TMEM63A: variants seen among roughly 807,000 people sequenced by gnomAD.
TMEM63A encodes the protein mechanosensitive cation channel TMEM63A.
In TMEM63A, 76 loss-of-function variants were observed where a neutral mutation model predicts 100.6. The ratio of observed to expected loss-of-function variants is 0.76; its 90% CI spans 0.63 to 0.91. The LOEUF (loss-of-function observed/expected upper bound fraction) is 0.91. TMEM63A is among the 40% of genes least tolerant of loss of function. TMEM63A has a pLI of 0.00. For missense variants in TMEM63A, 876 were observed against 1,008.8 expected (o/e 0.87, Z 1.78); for synonymous variants, 401 against 401.1 (o/e 1.00, Z 0.00).
intron 6 of TMEM63A, among the ~76,000 whole-genome samples, chr1:225,870,386 C>T (rs1241773111): frequency 1.3e-5 from 2 of 149,528 alleles, no homozygotes; most frequent in Non-Finnish European, 3.0e-5. Context: ...ACAACAATAA[C>T]TTCTTAGATT....
chr1:225,867,314 A>G lies in TMEM63A; in HGVS notation c.515-151T>C. On this transcript the variant is annotated intron_variant, in intron 7 of 24. Transcript: ENST00000366835. The surrounding 1 kb of genome is among the most constrained non-coding windows in gnomAD (Gnocchi z 4.6). ...GTCTGACTGGTCTTTCCAGAGCTAC[A>G]CCATCAAGGCCTCTGCTTGAAACCA... is the stretch of plus-strand genomic sequence containing the variant. 1 of 826,244 alleles carries G rather than the reference A, an allele frequency of 1.2e-6. No homozygotes were observed. The highest frequency in any genetic ancestry group is 2.1e-6 in the Non-Finnish European group (1 of 483,442). 51.2% of individuals were successfully genotyped at this position (826,244 alleles called of 1,614,324 possible).
intron 1 of TMEM63A, among the ~76,000 whole-genome samples, chr1:225,880,891 T>C (rs1248627295): frequency 1.3e-5 from 2 of 152,224 alleles, no homozygotes; most frequent in African/African-American, 4.8e-5. Flanking sequence ...CAGCAGAATG[T>C]TGCAGGAAGT....
downstream of TMEM63A, among the ~76,000 whole-genome samples, chr1:225,843,494 A>G (rs938513638): frequency 3.3e-5 from 5 of 152,120 alleles, no homozygotes; most frequent in Non-Finnish European, 7.4e-5. Flanking sequence ...CCTGCCCTAC[A>G]TTCAGCAGGA....
In TMEM63A at chr1:225,848,587, A is replaced by G. The variant is rs774329341; in HGVS notation, c.2188-33T>C. 5.6e-6 allele frequency: 9 copies of G among 1,611,120 alleles called. No individual in the cohort carries two copies. The African/African-American group carries it at 1.2e-4, about 22-fold the overall frequency. ...TAACAGCAAAAACTTGCGATGATAA[A>G]CAAAACTGATCTCTGTGAACAAACA... is the stretch of plus-strand genomic sequence containing the variant. On this transcript the variant is annotated intron_variant, in intron 22 of 24. Transcript: ENST00000366835.
intron 1 of TMEM63A, 70 bp downstream of exon 1, chr1:225,882,234 C>T (rs1671126833): frequency 7.0e-6 from 1 of 142,080 alleles, no homozygotes; most frequent in Non-Finnish European, 1.6e-5. Flanking sequence ...CGGAACCGGA[C>T]ACCTGGCGCG....
chr1:225,866,489 C>T (rs1670217346), intron 9 of TMEM63A, 85 bp downstream of exon 9: 4 of 1,242,528 alleles, frequency 3.2e-6, no homozygotes, highest in African/African-American at 1.5e-5. Context: ...CAGTCAGGGC[C>T]TGTGGCAGAG....
chr1:225,875,078 T>G (rs1167517040), intron 3 of TMEM63A, among the ~76,000 whole-genome samples: 3 of 152,212 alleles, frequency 2.0e-5, no homozygotes, highest in Non-Finnish European at 4.4e-5. Flanking sequence ...CAGAGCCTCC[T>G]CAGGCTGAGC....
rs537640152 is a variant in TMEM63A, at chr1:225,866,476, T to C, written c.675+98A>G. 288 of 1,059,380 alleles carry C rather than the reference T, an allele frequency of 2.7e-4. 1 individual carries two copies. Among genetic ancestry groups the C allele is most frequent in the Non-Finnish European group, 3.7e-4 (263 of 703,512 alleles). The allele number at this position is 1,059,380 out of a possible 1,614,324, so 65.6% of individuals were successfully genotyped here. Reference sequence around the variant, plus strand: ...GCTCCTGAGGCCCTCCCAGAGCTCATTGCAGTCAGGGCCTGTGGCAGAGCC... The same window carrying C: ...GCTCCTGAGGCCCTCCCAGAGCTCACTGCAGTCAGGGCCTGTGGCAGAGCC... On this transcript the variant is annotated intron_variant, in intron 9 of 24. Transcript: ENST00000366835.
At chr1:225,856,021 C>A in intron 17 of TMEM63A, 81 bp from the exon 18 acceptor site, 1 of 1,461,142 alleles carries the variant, frequency 6.8e-7, no homozygotes, top group Non-Finnish European at 9.4e-7. Context: ...TTCTTTTGCT[C>A]TAAAAACAGG....
chr1:225,863,062 G>A lies in TMEM63A; in HGVS notation c.747-211C>T, dbSNP rs978713837. 9 of 570,972 alleles carry A rather than the reference G, an allele frequency of 1.6e-5. No homozygotes were observed. The Admixed American group carries it at 2.1e-4, about 13-fold the overall frequency. 35.4% of individuals were successfully genotyped at this position (570,972 alleles called of 1,614,324 possible). ...ACAAAGAGGGCTTTTGTTTTGTTTT[G>A]TTTTGTTTAGAGACAGGGTCTCACT... is the stretch of plus-strand genomic sequence containing the variant. On this transcript the variant is annotated intron_variant, in intron 10 of 24. Transcript: ENST00000366835.
In TMEM63A at chr1:225,860,884, GC is replaced by G; in HGVS notation, c.1198del (p.Ala400LeufsTer37). 2 of 1,611,304 alleles carry G rather than the reference GC, an allele frequency of 1.2e-6. No homozygotes were observed. Among genetic ancestry groups the G allele is most frequent in the Non-Finnish European group, 1.7e-6 (2 of 1,178,716 alleles). Reference sequence around the variant, plus strand: ...CCAGCAGATGTCCTCAGGGTCAGCAGCAAAGGTGACTGTCCACTTGGAGGTA... The same window carrying G: ...CCAGCAGATGTCCTCAGGGTCAGCAGAAAGGTGACTGTCCACTTGGAGGTA... ...LYTSKWTVTF[A>X]ADPEDICWKN... On this transcript the variant is annotated frameshift_variant, in exon 14 of 25. Coordinates refer to ENST00000366835, the MANE Select transcript of TMEM63A (RefSeq NM_014698.3). LOFTEE classifies it high-confidence loss of function.
At chr1:225,869,436 T>C (rs1670379929) in intron 6 of TMEM63A, among the ~76,000 whole-genome samples, 10 of 152,160 alleles carry the variant, frequency 6.6e-5, no homozygotes, top group Admixed American at 6.5e-4. Context: ...TGGGGCTCTG[T>C]CTCCTGCCAG....
Position 225,867,081 on chromosome 1 carries a change from C to G in TMEM63A, c.566+31G>C, listed in dbSNP as rs778733490. The G allele has an allele frequency of 9.3e-6, 15 of 1,613,544 alleles. No individual in the cohort carries two copies. The highest frequency in any genetic ancestry group is 1.3e-5 in the African/African-American group (1 of 74,918). On this transcript the variant is annotated intron_variant, in intron 8 of 24. Transcript: ENST00000366835. This position sits in a 1 kb window ranked among gnomAD's most constrained non-coding sequence, Gnocchi z 4.6. ...CTGCCTTCTCCTTGATCTCACCCAT[C>G]AGCACCTATCCCCACGGGCTCCATA... is the stretch of plus-strand genomic sequence containing the variant.
At chr1:225,874,247 T>TACGCACACGC (rs760564058) in intron 4 of TMEM63A, 41 bp downstream of exon 4, 1 of 1,583,608 alleles carries the variant, frequency 6.3e-7, no homozygotes. Flanking sequence ...CACTCACACG[T>TACGCACACGC]ACGCACACGC....
Position 225,845,674 on chromosome 1 carries a change from G to A in TMEM63A, c.*1265C>T, listed in dbSNP as rs1668919735. ...GCAGAGGCACGGGAGGCCTGCTGGG[G>A]ATGAGGCCACTGGCCAGGGCTATGC... On this transcript the variant is annotated 3_prime_UTR_variant, in exon 25 of 25. Coordinates refer to ENST00000366835, the MANE Select transcript of TMEM63A (RefSeq NM_014698.3). 4.4e-6 allele frequency: 2 copies of A among 455,224 alleles called. No homozygotes were observed. The highest frequency in any genetic ancestry group is 3.4e-5 in the Admixed American group (1 of 28,988). The allele number at this position is 455,224 out of a possible 1,614,324, so 28.2% of individuals were successfully genotyped here.
intron 16 of TMEM63A, 22 bp from the exon 17 acceptor site, chr1:225,856,760 C>G (rs1669638335): frequency 6.2e-7 from 1 of 1,609,330 alleles, no homozygotes; most frequent in Non-Finnish European, 8.5e-7. Context: ...CAAAGGTGAG[C>G]ACTCGCAGTC....
chr1:225,850,195 A>G (rs1210913043), intron 20 of TMEM63A, 116 bp from the exon 21 acceptor site: 1 of 1,220,360 alleles, frequency 8.2e-7, no homozygotes, highest in Non-Finnish European at 1.2e-6. Flanking sequence ...CTGCTGCTCT[A>G]CTGCCTGAAC....
chr1:225,878,345 G>A (rs1226704641), intron 2 of TMEM63A, among the ~76,000 whole-genome samples: 6 of 152,142 alleles, frequency 3.9e-5, no homozygotes, highest in Non-Finnish European at 7.4e-5. Flanking sequence ...GGGTAGGGAC[G>A]GGGAGGGAGT....
At chr1:225,857,277 T>C (rs1669668293) in intron 15 of TMEM63A, among the ~76,000 whole-genome samples, 1 of 151,868 alleles carries the variant, frequency 6.6e-6, no homozygotes, top group Admixed American at 6.6e-5. Context: ...AAACTCCACT[T>C]ATCTGACTAA....
Sources: allele counts gnomAD v4.1 joint callset (sites outside exome capture counted in the v4.1 genomes callset), GRCh38; gene constraint gnomAD v4.1.1; non-coding constraint Gnocchi (gnomAD v3.1); transcripts MANE v1.5; gene names NCBI Gene and HGNC (gene_info 2026-07-23, HGNC 2026-07-21).